Variants in NALF1 observed in about 807,000 individuals in gnomAD.
NALF1 encodes the protein NALCN channel auxiliary factor 1.
NALF1 carries 3 observed loss-of-function variants against 48.4 expected under a neutral mutation model. That is an observed-to-expected ratio of 0.06 (90% CI 0.03 to 0.16). The LOEUF is 0.16. Among genes scored for constraint, NALF1 ranks in the 10% least tolerant of loss-of-function variants. The probability of loss-of-function intolerance (pLI) is 1.00; values close to 1 mark genes in which losing one functional copy is unlikely to be tolerated. For synonymous variants in NALF1, 262 were observed against 245.7 expected, an observed-to-expected ratio of 1.07 and a Z score of -0.62; for missense variants, 526 against 571.5, an observed-to-expected ratio of 0.92 and a Z score of 0.81.
At chr13:107,199,686 C>T (rs147893773) in intron 2 of NALF1, among the ~76,000 whole-genome samples, 9 of 152,228 alleles carry the variant, frequency 5.9e-5, no homozygotes, top group East Asian at 1.9e-4. Flanking sequence ...AGGTGTGTGG[C>T]GGCGGTGTGA....
intron 1 of NALF1, among the ~76,000 whole-genome samples, chr13:107,331,407 C>T (rs1882466074): frequency 6.6e-6 from 1 of 152,304 alleles, no homozygotes; most frequent in Admixed American, 6.5e-5. Flanking sequence ...TGATCCTATA[C>T]TTTCCTCAGA....
At chr13:107,508,691 T>A (rs1276987525) in intron 1 of NALF1, among the ~76,000 whole-genome samples, 1 of 152,110 alleles carries the variant, frequency 6.6e-6, no homozygotes. Context: ...GCTTCACAGA[T>A]GAGGGAAAGA....
chr13:107,792,355 CAGG>C (rs1321594437), intron 1 of NALF1, among the ~76,000 whole-genome samples: 1 of 152,122 alleles, frequency 6.6e-6, no homozygotes, highest in African/African-American at 2.4e-5. Flanking sequence ...TGCCACTTTT[CAGG>C]AGAACTAAAG....
At chr13:107,714,493 C>T (rs1048861920) in intron 1 of NALF1, among the ~76,000 whole-genome samples, 5 of 151,996 alleles carry the variant, frequency 3.3e-5, no homozygotes, top group Non-Finnish European at 7.4e-5. Flanking sequence ...CATGGTAAAA[C>T]CCTATCTCTA....
intron 1 of NALF1, among the ~76,000 whole-genome samples, chr13:107,607,142 C>T (rs1879095679): frequency 6.6e-6 from 1 of 152,132 alleles, no homozygotes; most frequent in African/African-American, 2.4e-5. Context: ...GAAAATACTA[C>T]AAGGGCCCAA....
chr13:107,182,657 A>G (rs1190473997), intron 2 of NALF1, among the ~76,000 whole-genome samples: 1 of 152,216 alleles, frequency 6.6e-6, no homozygotes, highest in Non-Finnish European at 1.5e-5. Context: ...CCTTTAAAAA[A>G]TCGCACACAC....
chr13:107,303,893 A>C (rs917058503), intron 1 of NALF1, among the ~76,000 whole-genome samples: 2 of 152,216 alleles, frequency 1.3e-5, no homozygotes, highest in Non-Finnish European at 2.9e-5. Context: ...TATGTCTGAA[A>C]GTATTTCCTT....
At chr13:107,679,013 T>C (rs1881206430) in intron 1 of NALF1, among the ~76,000 whole-genome samples, 1 of 152,226 alleles carries the variant, frequency 6.6e-6, no homozygotes. Flanking sequence ...TATTTGTTCC[T>C]CTTTCCGTAA....
intron 1 of NALF1, among the ~76,000 whole-genome samples, chr13:107,794,561 A>G (rs1439007816): frequency 6.6e-6 from 1 of 151,500 alleles, no homozygotes; most frequent in Non-Finnish European, 1.5e-5. Flanking sequence ...TCACCCACCA[A>G]AAAAAGAAAA....
intron 1 of NALF1, among the ~76,000 whole-genome samples, chr13:107,849,451 C>T (rs1396617243): frequency 6.6e-6 from 1 of 152,188 alleles, no homozygotes; most frequent in African/African-American, 2.4e-5. Flanking sequence ...AATCTGCAAG[C>T]TTCACCCACA....
At chr13:107,274,216 G>A (rs186001458) in intron 1 of NALF1, among the ~76,000 whole-genome samples, 1 of 152,102 alleles carries the variant, frequency 6.6e-6, no homozygotes, top group Non-Finnish European at 1.5e-5. Context: ...TTTCTTTTTA[G>A]AACATCTACG....
chr13:107,741,053 G>A (rs1876619689), intron 1 of NALF1, among the ~76,000 whole-genome samples: 1 of 152,098 alleles, frequency 6.6e-6, no homozygotes, highest in Non-Finnish European at 1.5e-5. Context: ...GAATCACATT[G>A]ATTCTCTTGT....
intron 1 of NALF1, among the ~76,000 whole-genome samples, chr13:107,772,521 G>A (rs554417658): frequency 6.6e-6 from 1 of 152,116 alleles, no homozygotes; most frequent in South Asian, 2.1e-4. Context: ...TAAATTCAGG[G>A]AGTTGTTTCA....
At chr13:107,793,259 C>A (rs1878307488) in intron 1 of NALF1, among the ~76,000 whole-genome samples, 1 of 152,036 alleles carries the variant, frequency 6.6e-6, no homozygotes, top group Admixed American at 6.6e-5. Context: ...CATATTATGC[C>A]GCAATGCCAT....
intron 1 of NALF1, among the ~76,000 whole-genome samples, chr13:107,784,298 G>A (rs1326313893): frequency 6.6e-6 from 1 of 152,176 alleles, no homozygotes; most frequent in African/African-American, 2.4e-5. Flanking sequence ...ACCGCATGCT[G>A]CAGGTAACTA....
chr13:107,742,663 T>C (rs1876673371), intron 1 of NALF1, among the ~76,000 whole-genome samples: 1 of 152,190 alleles, frequency 6.6e-6, no homozygotes, highest in Admixed American at 6.6e-5. Context: ...AGATATGTCT[T>C]TATTAGCAGT....
chr13:107,818,300 T>C (rs1879236065), intron 1 of NALF1, among the ~76,000 whole-genome samples: 1 of 151,998 alleles, frequency 6.6e-6, no homozygotes, highest in South Asian at 2.1e-4. Flanking sequence ...GACATCAAAG[T>C]GGGAAAAGAG....
intron 1 of NALF1, among the ~76,000 whole-genome samples, chr13:107,575,963 GGTGT>G (rs754349016): frequency 1.6e-4 from 23 of 147,082 alleles, no homozygotes; most frequent in East Asian, 4.0e-4. Flanking sequence ...GTGTGTGTTG[GGTGT>G]GTGTGTGTGC....
At chr13:107,704,550 C>G (rs1329352122) in intron 1 of NALF1, among the ~76,000 whole-genome samples, 1 of 152,020 alleles carries the variant, frequency 6.6e-6, no homozygotes, top group African/African-American at 2.4e-5. Context: ...TGGTACCTCA[C>G]AATGCAATAG....
Sources: allele counts gnomAD v4.1 joint callset (sites outside exome capture counted in the v4.1 genomes callset), GRCh38; gene constraint gnomAD v4.1.1; transcripts MANE v1.5; gene names NCBI Gene and HGNC (gene_info 2026-07-23, HGNC 2026-07-21).